Variants in NELL2 observed in about 807,000 individuals in gnomAD.
NELL2 encodes protein kinase C-binding protein NELL2.
A neutral mutation model predicts 109.6 loss-of-function variants in NELL2; 41 were observed. That is an observed-to-expected ratio of 0.37 (90% confidence interval 0.29 to 0.49). The LOEUF (loss-of-function observed/expected upper bound fraction) is 0.49. Among genes scored for constraint, NELL2 ranks in the 20% least tolerant of loss-of-function variants. The pLI is 0.98. For synonymous variants in NELL2, 355 were observed against 344.7 expected (o/e 1.03, Z -0.33); for missense variants, 900 against 1,008.3 (o/e 0.89, Z 1.45).
At chr12:44,802,629 T>A (rs1305956134) in intron 3 of NELL2, among the ~76,000 whole-genome samples, 1 of 152,078 alleles carries the variant, frequency 6.6e-6, no homozygotes, top group Admixed American at 6.6e-5. Flanking sequence ...AGAAAAAATA[T>A]AGCATTTAAT....
chr12:44,594,598 T>C (rs902179127), intron 15 of NELL2, among the ~76,000 whole-genome samples: 3 of 152,144 alleles, frequency 2.0e-5, no homozygotes, highest in Non-Finnish European at 4.4e-5. Context: ...CTAAATTAAA[T>C]GACTATAACA....
intron 9 of NELL2, among the ~76,000 whole-genome samples, chr12:44,726,741 T>C (rs887545138): frequency 6.6e-6 from 1 of 152,154 alleles, no homozygotes; most frequent in African/African-American, 2.4e-5. Flanking sequence ...ACTTTTTTAG[T>C]AATTTTAGTT....
At chr12:44,820,588 G>A (rs867037347) in intron 2 of NELL2, among the ~76,000 whole-genome samples, 28 of 138,018 alleles carry the variant, frequency 2.0e-4, no homozygotes, top group Admixed American at 6.1e-4. Flanking sequence ...CAGCCTGGGT[G>A]ACAGAGCAAG....
At chr12:44,916,780 A>C (rs10047633), upstream of NELL2, among the ~76,000 whole-genome samples, 727 of 152,218 alleles carry the variant, frequency 4.8e-3, 5 homozygotes, top group African/African-American at 0.016. Context: ...AGAATCATAG[A>C]CTCACAAGGT....
intron 13 of NELL2, among the ~76,000 whole-genome samples, chr12:44,633,509 T>C (rs1188635263): frequency 6.6e-6 from 1 of 152,126 alleles, no homozygotes. Context: ...GCTTAAAATA[T>C]ACAAACAAAC....
chr12:44,782,681 T>C (rs1156440324), intron 3 of NELL2, among the ~76,000 whole-genome samples: 2 of 151,616 alleles, frequency 1.3e-5, no homozygotes, highest in Admixed American at 6.6e-5. Flanking sequence ...AAAAAATCAA[T>C]CCATTAAGAA....
chr12:44,921,194 C>T (rs1945865655), intron 1 of NELL2, among the ~76,000 whole-genome samples: 1 of 152,110 alleles, frequency 6.6e-6, no homozygotes, highest in African/African-American at 2.4e-5. Context: ...TGAACGTCTT[C>T]TCATTGAAAC....
chr12:44,755,490 C>T (rs1327777413), intron 9 of NELL2, among the ~76,000 whole-genome samples: 1 of 151,702 alleles, frequency 6.6e-6, no homozygotes, highest in Non-Finnish European at 1.5e-5. Flanking sequence ...TTCTGACATC[C>T]ATGTGATTGA....
intron 13 of NELL2, among the ~76,000 whole-genome samples, chr12:44,651,258 C>T (rs983164902): frequency 3.9e-5 from 6 of 152,278 alleles, no homozygotes; most frequent in East Asian, 3.9e-4. Flanking sequence ...GTTTAAGACA[C>T]GCAGTCAATG....
At chr12:44,772,325 T>C (rs1170390522) in intron 9 of NELL2, among the ~76,000 whole-genome samples, 1 of 152,162 alleles carries the variant, frequency 6.6e-6, no homozygotes, top group Non-Finnish European at 1.5e-5. Context: ...GTGTAACTAT[T>C]GGTTTCTCCC....
chr12:44,909,571 C>T (rs1945756176), intron 1 of NELL2, among the ~76,000 whole-genome samples: 1 of 151,852 alleles, frequency 6.6e-6, no homozygotes, highest in Admixed American at 6.6e-5. Context: ...TTATTTTTCA[C>T]AGAACTGGAA....
chr12:44,871,859 T>C (rs1279016592), intron 2 of NELL2, among the ~76,000 whole-genome samples: 1 of 152,188 alleles, frequency 6.6e-6, no homozygotes, highest in Non-Finnish European at 1.5e-5. Context: ...AAAAAAAACA[T>C]GCTTTGATTT....
intron 2 of NELL2, among the ~76,000 whole-genome samples, chr12:44,832,543 T>C (rs1943920033): frequency 6.6e-6 from 1 of 152,230 alleles, no homozygotes. Flanking sequence ...GCTGACCGTC[T>C]TGTTCATTCA....
intron 2 of NELL2, among the ~76,000 whole-genome samples, chr12:44,828,253 C>G (rs113348546): frequency 1.8e-4 from 28 of 152,178 alleles, no homozygotes; most frequent in African/African-American, 6.0e-4. Flanking sequence ...AATGTTTTCT[C>G]TCATTCTGCA....
chr12:44,887,980 C>G (rs1592705108), intron 1 of NELL2, among the ~76,000 whole-genome samples: 1 of 152,002 alleles, frequency 6.6e-6, no homozygotes, highest in East Asian at 1.9e-4. Flanking sequence ...TAGAGTTAAG[C>G]CTTTAATCCA....
chr12:44,846,164 G>A (rs1237429651), intron 2 of NELL2, among the ~76,000 whole-genome samples: 1 of 152,176 alleles, frequency 6.6e-6, no homozygotes, highest in Non-Finnish European at 1.5e-5. Context: ...ACAACTTATA[G>A]GCCAGATGTC....
chr12:44,531,471 T>C (rs554329809), intron 16 of NELL2, among the ~76,000 whole-genome samples: 1 of 152,268 alleles, frequency 6.6e-6, no homozygotes, highest in Non-Finnish European at 1.5e-5. Context: ...TAGACCATAT[T>C]TAAGTGGTAA....
At chr12:44,788,198 G>A (rs1162692472) in intron 3 of NELL2, among the ~76,000 whole-genome samples, 1 of 152,190 alleles carries the variant, frequency 6.6e-6, no homozygotes, top group African/African-American at 2.4e-5. Flanking sequence ...ACAGAGCAGT[G>A]TGTGGAGGCT....
At chr12:44,840,136 G>A (rs1161746561) in intron 2 of NELL2, among the ~76,000 whole-genome samples, 1 of 152,056 alleles carries the variant, frequency 6.6e-6, no homozygotes, top group South Asian at 2.1e-4. Context: ...TCATTGGCCT[G>A]TCAAAACCTA....
Sources: gnomAD v4.1 joint callset for allele counts (sites outside exome capture counted in the v4.1 genomes callset) on GRCh38, gnomAD v4.1.1 for gene constraint, MANE v1.5 for transcripts, NCBI Gene and HGNC (gene_info 2026-07-23, HGNC 2026-07-21) for gene names.